RSPO2: variants seen among roughly 807,000 people sequenced by gnomAD.
RSPO2 encodes R-spondin-2.
A neutral mutation model predicts 30.9 loss-of-function variants in RSPO2; 14 were observed. That is an observed-to-expected ratio of 0.45 (90% CI 0.30 to 0.71). The LOEUF (loss-of-function observed/expected upper bound fraction) is 0.71, where lower values mean the gene tolerates loss of function less well. Among genes scored for constraint, RSPO2 ranks in the 30% least tolerant of loss-of-function variants. The pLI is 0.08. For synonymous variants in RSPO2, 107 were observed against 96.4 expected (o/e 1.11, Z -0.64); for missense variants, 264 against 301.9 (o/e 0.87, Z 0.93).
At chr8:108,042,219 A>C (rs1811780611) in intron 2 of RSPO2, among the ~76,000 whole-genome samples, 1 of 152,148 alleles carries the variant, frequency 6.6e-6, no homozygotes, top group Non-Finnish European at 1.5e-5. Flanking sequence ...CTGAGTTTAA[A>C]GAAACCCTAT....
chr8:108,016,869 C>T (rs1023217313), intron 2 of RSPO2, among the ~76,000 whole-genome samples: 43 of 152,058 alleles, frequency 2.8e-4, no homozygotes, highest in Non-Finnish European at 6.3e-4. Context: ...TCACCTTCCA[C>T]CATGAATAAA....
intron 5 of RSPO2, among the ~76,000 whole-genome samples, chr8:107,937,656 A>G (rs982907782): frequency 6.6e-6 from 1 of 151,684 alleles, no homozygotes; most frequent in Admixed American, 6.6e-5. Context: ...CCAGAAGTGG[A>G]GCCCCAAGGT....
chr8:107,939,301 T>C (rs1812816048), intron 5 of RSPO2, among the ~76,000 whole-genome samples: 1 of 152,018 alleles, frequency 6.6e-6, no homozygotes, highest in Non-Finnish European at 1.5e-5. Flanking sequence ...TAAACAATTG[T>C]GAAGTGTTTT....
intron 2 of RSPO2, among the ~76,000 whole-genome samples, chr8:108,027,730 T>G (rs1290760157): frequency 6.6e-6 from 1 of 152,182 alleles, no homozygotes; most frequent in Non-Finnish European, 1.5e-5. Context: ...TAATTAATAT[T>G]TCATCTTTCT....
chr8:108,044,575 G>A (rs915020657), intron 2 of RSPO2, among the ~76,000 whole-genome samples: 6 of 152,026 alleles, frequency 3.9e-5, no homozygotes, highest in Non-Finnish European at 7.4e-5. Flanking sequence ...GTATTACCTG[G>A]TATATATGTA....
intron 3 of RSPO2, among the ~76,000 whole-genome samples, chr8:107,961,473 G>A (rs1041007375): frequency 4.6e-5 from 7 of 152,156 alleles, no homozygotes; most frequent in Non-Finnish European, 1.0e-4. Context: ...GGGACTAACA[G>A]AGTAACAGCT....
At chr8:108,006,182 C>T (rs980699519) in intron 2 of RSPO2, among the ~76,000 whole-genome samples, 1 of 152,106 alleles carries the variant, frequency 6.6e-6, no homozygotes, top group Non-Finnish European at 1.5e-5. Flanking sequence ...AAAATAAGAA[C>T]ATCTTTACAT....
chr8:107,908,825 G>T (rs1036141574), intron 5 of RSPO2, among the ~76,000 whole-genome samples: 3 of 152,144 alleles, frequency 2.0e-5, no homozygotes, highest in Non-Finnish European at 2.9e-5. Flanking sequence ...TAGAGAAAAA[G>T]CATTATTCAC....
chr8:107,905,557 C>T (rs1811610475), intron 5 of RSPO2, among the ~76,000 whole-genome samples: 2 of 152,002 alleles, frequency 1.3e-5, no homozygotes, highest in Admixed American at 1.3e-4. Flanking sequence ...CTGGGCTTCA[C>T]TGAATTATAA....
chr8:107,916,011 C>T (rs1386301700), intron 5 of RSPO2, among the ~76,000 whole-genome samples: 1 of 152,106 alleles, frequency 6.6e-6, no homozygotes, highest in African/African-American at 2.4e-5. Context: ...AGGAATCCAA[C>T]TAAGAAACTG....
intron 2 of RSPO2, among the ~76,000 whole-genome samples, chr8:108,059,070 A>G (rs200603200): frequency 2.0e-5 from 3 of 151,966 alleles, no homozygotes; most frequent in South Asian, 2.1e-4. Flanking sequence ...GCAACCTACA[A>G]AATGGGAGAA....
At chr8:107,995,905 A>G (rs1224447747) in intron 2 of RSPO2, among the ~76,000 whole-genome samples, 1 of 152,100 alleles carries the variant, frequency 6.6e-6, no homozygotes, top group East Asian at 1.9e-4. Context: ...GTATTTTGTT[A>G]CACCTTAATA....
chr8:107,920,127 A>AGAAAAGGAGGG (rs61438068), intron 5 of RSPO2, among the ~76,000 whole-genome samples: 1 of 151,616 alleles, frequency 6.6e-6, no homozygotes, highest in African/African-American at 2.4e-5. Flanking sequence ...GGAGGAAGAG[A>AGAAAAGGAGGG]AAGAAGGAGG....
At chr8:107,904,119 C>T (rs1196858806) in intron 5 of RSPO2, among the ~76,000 whole-genome samples, 1 of 151,976 alleles carries the variant, frequency 6.6e-6, no homozygotes, top group Non-Finnish European at 1.5e-5. Context: ...AATAGACATA[C>T]AAACGTGCTA....
rs566652013 is a variant in RSPO2 at position 107,995,692 on chromosome 8, T to C, written c.95-6448A>G. 3.9e-5 allele frequency among the ~76,000 whole-genome samples: 6 copies of C among 152,254 alleles called. No individual in the cohort carries two copies. In the South Asian group the frequency reaches 1.0e-3, roughly 26 times the overall value. ...ATAGCCTAGGTTGCTGAAGGTTTTC[T>C]TCCTCCTCTAGCTTCTATGATAATA... On this transcript the variant is annotated intron_variant, in intron 2 of 5. Transcript: ENST00000276659.
intron 5 of RSPO2, among the ~76,000 whole-genome samples, chr8:107,907,880 A>G (rs1461563212): frequency 6.6e-6 from 1 of 151,980 alleles, no homozygotes; most frequent in African/African-American, 2.4e-5. Context: ...TAAGACTTCA[A>G]TTTTTCTCAT....
intron 2 of RSPO2, among the ~76,000 whole-genome samples, chr8:108,015,256 A>G (rs1810846775): frequency 6.6e-6 from 1 of 152,190 alleles, no homozygotes; most frequent in Non-Finnish European, 1.5e-5. Context: ...CCTTAGGGGA[A>G]AAAATAACCC....
intron 5 of RSPO2, 61 bp from the exon 6 acceptor site, chr8:107,901,251 C>T (rs1350295359): frequency 6.5e-7 from 1 of 1,526,962 alleles, no homozygotes; most frequent in Admixed American, 2.3e-5. Context: ...GGAAAGAAAA[C>T]ACAAAAATAT....
chr8:108,040,784 G>A (rs943713265), intron 2 of RSPO2, among the ~76,000 whole-genome samples: 1 of 152,154 alleles, frequency 6.6e-6, no homozygotes, highest in Non-Finnish European at 1.5e-5. Flanking sequence ...TGCTGATAAT[G>A]TGAAATTTGG....
Sources: gnomAD v4.1 joint callset for allele counts (sites outside exome capture counted in the v4.1 genomes callset) on GRCh38, gnomAD v4.1.1 for gene constraint, MANE v1.5 for transcripts, NCBI Gene and HGNC (gene_info 2026-07-23, HGNC 2026-07-21) for gene names.